SPPL2A: variants seen among roughly 807,000 people sequenced by gnomAD.
SPPL2A encodes the protein signal peptide peptidase like 2A.
SPPL2A carries 51 observed loss-of-function variants against 63.8 expected under a neutral mutation model. That is an observed-to-expected ratio of 0.80 (90% CI 0.64 to 1.01). The LOEUF (loss-of-function observed/expected upper bound fraction) is 1.01, where lower values mean the gene tolerates loss of function less well. SPPL2A is among the 50% of genes least tolerant of loss of function. The probability of loss-of-function intolerance (pLI) is 0.00; values close to 1 mark genes in which losing one functional copy is unlikely to be tolerated. For synonymous variants in SPPL2A, 188 were observed against 205.8 expected, an observed-to-expected ratio of 0.91 and a Z score of 0.74; for missense variants, 553 against 622.7, an observed-to-expected ratio of 0.89 and a Z score of 1.19.
intron 13 of SPPL2A, among the ~76,000 whole-genome samples, chr15:50,721,780 G>A (rs2062649022): frequency 6.6e-6 from 1 of 151,788 alleles, no homozygotes. Context: ...AATTTTTTTT[G>A]TATTTTTAGT....
chr15:50,719,806 T>A (rs2062629885), intron 14 of SPPL2A, 134 bp downstream of exon 14: 1 of 521,536 alleles, frequency 1.9e-6, no homozygotes, highest in South Asian at 3.6e-5. Context: ...ATTCAATAGG[T>A]GGACAGTGAG....
At chr15:50,757,325 G>A (rs1340167388) in intron 1 of SPPL2A, among the ~76,000 whole-genome samples, 8 of 151,690 alleles carry the variant, frequency 5.3e-5, no homozygotes, top group Non-Finnish European at 1.2e-4. Context: ...CTCGTGATCC[G>A]CCCGCCTCGG....
chr15:50,725,401 C>T, intron 11 of SPPL2A, 78 bp from the exon 12 acceptor site: 2 of 774,786 alleles, frequency 2.6e-6, no homozygotes, highest in Non-Finnish European at 2.2e-6. Context: ...TCTTGGCAAT[C>T]TTTACTCATA....
chr15:50,737,888 A>G (rs2062784183), intron 6 of SPPL2A, among the ~76,000 whole-genome samples: 1 of 151,390 alleles, frequency 6.6e-6, no homozygotes, highest in African/African-American at 2.4e-5. Flanking sequence ...CCTGGCCAAC[A>G]TGGTGAAACC....
intron 11 of SPPL2A, 51 bp from the exon 12 acceptor site, chr15:50,725,374 G>C (rs2062678328): frequency 2.0e-6 from 2 of 985,074 alleles, no homozygotes; most frequent in Non-Finnish European, 3.2e-6. Context: ...AAACAAAACA[G>C]AGGCCGCCAA....
intron 1 of SPPL2A, among the ~76,000 whole-genome samples, chr15:50,763,966 T>C (rs1266859044): frequency 6.6e-6 from 1 of 152,134 alleles, no homozygotes; most frequent in Admixed American, 6.6e-5. Context: ...TAGATACAAT[T>C]TAGAACAGGG....
chr15:50,756,137 G>C (rs1163375232), intron 1 of SPPL2A, among the ~76,000 whole-genome samples: 1 of 151,786 alleles, frequency 6.6e-6, no homozygotes, highest in East Asian at 2.0e-4. Flanking sequence ...GAGGTGGGCA[G>C]ATCACGAGGT....
In SPPL2A at chr15:50,748,159, A is replaced by G. The variant is rs185544480; in HGVS notation, c.404T>C (p.Ile135Thr). The change falls in exon 4 of 15, where the codon ATA (isoleucine) becomes ACA (threonine). Residue 135 changes from isoleucine (I) to threonine (T), a missense_variant. Physicochemically the swap from Ile to Thr is moderately conservative, Grantham distance 89. Transcript: ENST00000261854. Reference protein sequence around the residue: ...GNRSEFPDVKILIAFISYKDF... With the variant: ...GNRSEFPDVKTLIAFISYKDF... ...TTTGTAGCTTATAAATGCAATCAGTATTTTCACATCAGGAAATTCAGATCT... is the reference window on the plus strand; with the variant it reads ...TTTGTAGCTTATAAATGCAATCAGTGTTTTCACATCAGGAAATTCAGATCT... 2.6e-6 allele frequency: 4 copies of G among 1,516,690 alleles called. No homozygotes were observed. In the East Asian group the frequency reaches 9.8e-5, roughly 37 times the overall value. The allele number at this position is 1,516,690 out of a possible 1,614,324, so 94.0% of individuals were successfully genotyped here.
In SPPL2A at chr15:50,730,991, C is replaced by A; in HGVS notation, c.1063G>T (p.Val355Phe). The change falls in exon 10 of 15, where the codon GTT (valine) becomes TTT (phenylalanine). Residue 355 changes from valine to phenylalanine, a missense_variant. Val to Phe is a conservative substitution (Grantham distance 50). Transcript: ENST00000261854. ...TTTGTGATGAATGGTGTTATGAAAACAAAAAATACATCATAGAGGAGGAGA... is the reference window on the plus strand; with the variant it reads ...TTTGTGATGAATGGTGTTATGAAAAAAAAAAATACATCATAGAGGAGGAGA... Reference protein sequence around the residue: ...GLLLLYDVFFVFITPFITKNG... With the variant: ...GLLLLYDVFFFFITPFITKNG... 1.3e-6 allele frequency: 2 copies of A among 1,502,116 alleles called. No individual in the cohort carries two copies. The highest frequency in any genetic ancestry group is 1.7e-5 in the Admixed American group (1 of 58,696). The allele number at this position is 1,502,116 out of a possible 1,614,324, so 93.0% of individuals were successfully genotyped here. A position where few individuals can be genotyped will look rare whatever the true frequency, so the allele number is the denominator to read the frequency against.
intron 14 of SPPL2A, among the ~76,000 whole-genome samples, chr15:50,714,675 C>T (rs1218463685): frequency 2.0e-5 from 3 of 151,174 alleles, no homozygotes; most frequent in Admixed American, 2.0e-4. Flanking sequence ...GGCACGGTGG[C>T]TCATGCCTGT....
chr15:50,738,086 A>G (rs1399342560), intron 6 of SPPL2A, among the ~76,000 whole-genome samples: 1 of 152,200 alleles, frequency 6.6e-6, no homozygotes, highest in Admixed American at 6.5e-5. Flanking sequence ...TGGGAGGCTG[A>G]GGCAGGAGAA....
chr15:50,743,544 A>C (rs1394148522), intron 5 of SPPL2A, among the ~76,000 whole-genome samples: 2 of 151,746 alleles, frequency 1.3e-5, no homozygotes, highest in African/African-American at 4.8e-5. Context: ...GATGGGTCTC[A>C]CTATGCTGCC....
chr15:50,739,803 C>A lies in SPPL2A; in HGVS notation c.610G>T (p.Glu204Ter). The A allele has an allele frequency of 6.2e-7, 1 of 1,603,688 alleles. No individual in the cohort carries two copies. Among genetic ancestry groups the A allele is most frequent in the Non-Finnish European group, 8.5e-7 (1 of 1,177,394 alleles). ...TTCTTTTTCCTCATTTCTCTATCTT[C>A]AGTTGTCACTGCTTTCAAGTTTTCC... ...ELENLKAVTT[E>*]DREMRKKKEE... The change falls in exon 6 of 15, where the codon GAA (glutamate) becomes TAA (stop). Residue 204 changes from glutamate to a stop codon, truncating the protein, a stop_gained. Coordinates refer to ENST00000261854, the MANE Select transcript of SPPL2A (RefSeq NM_032802.4). LOFTEE classifies it high-confidence loss of function.
At chr15:50,717,951 A>ACTAGACTGTAACTT (rs369208853) in intron 14 of SPPL2A, among the ~76,000 whole-genome samples, 12,915 of 142,422 alleles carry the variant, frequency 0.091, 700 homozygotes, top group South Asian at 0.14. Flanking sequence ...TCTATTCCTC[A>ACTAGACTGTAACTT]CTAGACTGTA....
At chr15:50,752,802 T>G (rs1035314096) in intron 1 of SPPL2A, among the ~76,000 whole-genome samples, 5 of 152,056 alleles carry the variant, frequency 3.3e-5, no homozygotes, top group African/African-American at 1.2e-4. Context: ...TAGGCTGACC[T>G]TGTCCTTTAT....
chr15:50,745,260 C>T (rs549277612), intron 5 of SPPL2A, among the ~76,000 whole-genome samples: 4 of 152,258 alleles, frequency 2.6e-5, no homozygotes, highest in African/African-American at 9.6e-5. Context: ...AAGTGATTCT[C>T]CTGCTTCAGG....
rs10658387 is a variant in SPPL2A at position 50,729,996 on chromosome 15, T to TAAAAAAAAAAAA, written c.1089+968_1089+969insTTTTTTTTTTTT. ...ACTTCAGCCTCAAGACTCGGCCTTT[T>TAAAAAAAAAAAA]AAAAAAAAAGAAGGAATGATAAATA... On this transcript the variant is annotated intron_variant, in intron 10 of 14. Coordinates refer to ENST00000261854, the MANE Select transcript of SPPL2A (RefSeq NM_032802.4). 8.9e-3 allele frequency among the ~76,000 whole-genome samples: 1,306 copies of TAAAAAAAAAAAA among 146,832 alleles called. 9 individuals carry two copies. Among genetic ancestry groups the TAAAAAAAAAAAA allele is most frequent in the East Asian group, 0.018 (87 of 4,890 alleles).
intron 5 of SPPL2A, among the ~76,000 whole-genome samples, chr15:50,741,439 A>T (rs10152232): frequency 0.094 from 14,253 of 151,886 alleles, 2,273 homozygotes; most frequent in African/African-American, 0.33. Flanking sequence ...CTCCCCCTGA[A>T]ACTCCAGAGC....
intron 11 of SPPL2A, chr15:50,725,891 TC>T: frequency 9.5e-6 from 3 of 316,368 alleles, no homozygotes; most frequent in South Asian, 2.9e-5. Flanking sequence ...TAACCAAGTA[TC>T]CCCACATTTA....
Sources: allele counts gnomAD v4.1 joint callset (sites outside exome capture counted in the v4.1 genomes callset), GRCh38; gene constraint gnomAD v4.1.1; transcripts MANE v1.5; gene names NCBI Gene and HGNC (gene_info 2026-07-23, HGNC 2026-07-21).